The following CEP85L variants were observed in gnomAD, a reference collection of about 807,000 sequenced individuals.
The protein encoded by CEP85L is centrosomal protein of 85 kDa-like.
Under a neutral mutation model 100.3 loss-of-function variants are expected in CEP85L, and 60 were observed. That is an observed-to-expected ratio of 0.60 (90% confidence interval 0.49 to 0.74). The LOEUF is 0.74. CEP85L is among the 30% of genes least tolerant of loss of function. The pLI is 0.00. For synonymous variants in CEP85L, 319 were observed against 322.7 expected, an observed-to-expected ratio of 0.99 and a Z score of 0.12; for missense variants, 973 against 936.2, an observed-to-expected ratio of 1.04 and a Z score of -0.51.
At chr6:118,704,632 G>A (rs535263896) in intron 1 of CEP85L, among the ~76,000 whole-genome samples, 3 of 152,138 alleles carry the variant, frequency 2.0e-5, no homozygotes, top group African/African-American at 4.8e-5. Flanking sequence ...CACCATGCCC[G>A]GCTAATTTTT....
intron 1 of CEP85L, among the ~76,000 whole-genome samples, chr6:118,669,873 C>T (rs551730526): frequency 5.3e-5 from 8 of 150,982 alleles, no homozygotes; most frequent in African/African-American, 2.0e-4. Flanking sequence ...GCTGAATTGA[C>T]TGTGTGATCT....
upstream of CEP85L, chr6:118,651,709 ACTGCGGGGGG>A (rs1775579570): frequency 2.4e-6 from 1 of 417,408 alleles, no homozygotes; most frequent in Admixed American, 1.7e-4. Context: ...GGGGGCGGGG[ACTGCGGGGGG>A]CGGGTGAGCT....
chr6:118,580,010 G>A (rs1474752752), intron 2 of CEP85L, among the ~76,000 whole-genome samples: 1 of 152,158 alleles, frequency 6.6e-6, no homozygotes, highest in Non-Finnish European at 1.5e-5. Flanking sequence ...AAAAGGCTAG[G>A]GTGGGAGGAC....
At chr6:118,473,376 C>T (rs1035104850) in intron 10 of CEP85L, among the ~76,000 whole-genome samples, 11 of 151,964 alleles carry the variant, frequency 7.2e-5, no homozygotes, top group African/African-American at 2.7e-4. Context: ...AGATTGTGTC[C>T]CAGAGATATC....
In CEP85L at chr6:118,565,876, T is replaced by C. The variant is rs374053699; in HGVS notation, c.673A>G (p.Thr225Ala). Residue 225 changes from threonine (T) to alanine (A), a missense_variant, in exon 3 of 13, where the codon ACT (threonine) becomes GCT (alanine). Transcript: ENST00000368491. The stretch of plus-strand genomic sequence containing the variant: ...TCAAATTTATACTTGCAGTCCAGAG[T>C]TGATGACCGTTTTTTATTTATTTCC... ...DKEINKKRSS[T>A]LDCKYKFESC... 1.9e-6 allele frequency: 3 copies of C among 1,614,002 alleles called. No individual in the cohort carries two copies. The highest frequency in any genetic ancestry group is 2.5e-6 in the Non-Finnish European group (3 of 1,180,006).
chr6:118,660,687 C>T (rs892808337), intron 1 of CEP85L, among the ~76,000 whole-genome samples: 1 of 152,116 alleles, frequency 6.6e-6, no homozygotes, highest in Non-Finnish European at 1.5e-5. Flanking sequence ...ACACACATGC[C>T]TCCTGAGTCT....
intron 6 of CEP85L, among the ~76,000 whole-genome samples, chr6:118,486,802 C>A (rs1026161639): frequency 6.6e-6 from 1 of 152,100 alleles, no homozygotes; most frequent in African/African-American, 2.4e-5. Flanking sequence ...TGTTACCAAC[C>A]CTTCCCGAAC....
chr6:118,490,263 C>G (rs1774469461), intron 6 of CEP85L, among the ~76,000 whole-genome samples: 1 of 152,144 alleles, frequency 6.6e-6, no homozygotes, highest in African/African-American at 2.4e-5. Flanking sequence ...TGCTAGAGAT[C>G]TGCTGTACAA....
intron 2 of CEP85L, among the ~76,000 whole-genome samples, chr6:118,602,690 A>G (rs1385697909): frequency 1.3e-5 from 2 of 152,250 alleles, no homozygotes; most frequent in Non-Finnish European, 2.9e-5. Context: ...AAATTATGGT[A>G]AGACCGATAT....
intron 1 of CEP85L, among the ~76,000 whole-genome samples, chr6:118,638,498 T>A (rs1774659144): frequency 6.6e-6 from 1 of 150,910 alleles, no homozygotes; most frequent in African/African-American, 2.4e-5. Flanking sequence ...CCAGGTGATT[T>A]AATAAGGAAA....
At chr6:118,656,090 C>G (rs1775778816), upstream of CEP85L, among the ~76,000 whole-genome samples, 1 of 152,102 alleles carries the variant, frequency 6.6e-6, no homozygotes, top group African/African-American at 2.4e-5. Flanking sequence ...TAGGGTTCAG[C>G]TAAGACTGGA....
At chr6:118,549,279 TAGAA>T (rs986869353) in intron 3 of CEP85L, among the ~76,000 whole-genome samples, 2 of 151,872 alleles carry the variant, frequency 1.3e-5, no homozygotes, top group Non-Finnish European at 2.9e-5. Context: ...CTCTCGGATT[TAGAA>T]AGAAAGGAAA....
At chr6:118,559,274 A>C (rs1779089509) in intron 3 of CEP85L, 1 of 603,102 alleles carries the variant, frequency 1.7e-6, no homozygotes, top group Non-Finnish European at 3.0e-6. Context: ...AAACATGAAA[A>C]GGGCTTTATT....
chr6:118,614,498 T>A (rs1772879606), intron 2 of CEP85L, among the ~76,000 whole-genome samples: 1 of 152,168 alleles, frequency 6.6e-6, no homozygotes, highest in Non-Finnish European at 1.5e-5. Flanking sequence ...AAACAAACTC[T>A]TAGAACTAAT....
intron 2 of CEP85L, among the ~76,000 whole-genome samples, chr6:118,620,480 TAA>T (rs1250151203): frequency 6.6e-6 from 1 of 152,088 alleles, no homozygotes; most frequent in Non-Finnish European, 1.5e-5. Flanking sequence ...AAAGACACTT[TAA>T]AAAAGATTGT....
chr6:118,646,300 C>T (rs1227423100), intron 1 of CEP85L, among the ~76,000 whole-genome samples: 1 of 98,626 alleles, frequency 1.0e-5, no homozygotes, highest in Non-Finnish European at 2.1e-5. Context: ...ATAAATTGCT[C>T]TTCTTAGAAT....
chr6:118,565,384 G>A (rs11755088), intron 3 of CEP85L, 145 bp downstream of exon 3: 10,543 of 762,262 alleles, frequency 0.014, 115 homozygotes, highest in Non-Finnish European at 0.019. Context: ...AACACTTTTC[G>A]GTTTGTAACA....
chr6:118,686,092 A>C (rs1295172742), intron 1 of CEP85L, among the ~76,000 whole-genome samples: 1 of 152,192 alleles, frequency 6.6e-6, no homozygotes, highest in Non-Finnish European at 1.5e-5. Context: ...TCTCTTGACC[A>C]AGGGAAACGT....
intron 2 of CEP85L, among the ~76,000 whole-genome samples, chr6:118,611,340 GTA>G (rs1180582515): frequency 6.6e-6 from 1 of 152,082 alleles, no homozygotes; most frequent in African/African-American, 2.4e-5. Flanking sequence ...CAAGAGCAAT[GTA>G]TATAAAAATA....
Sources: allele counts gnomAD v4.1 joint callset (sites outside exome capture counted in the v4.1 genomes callset), GRCh38; gene constraint gnomAD v4.1.1; transcripts MANE v1.5; gene names NCBI Gene and HGNC (gene_info 2026-07-23, HGNC 2026-07-21).